The following CASK variants were observed in gnomAD, a reference collection of about 807,000 sequenced individuals.
CASK encodes calcium/calmodulin dependent serine protein kinase, also known as peripheral plasma membrane protein CASK.
A neutral mutation model predicts 82.9 loss-of-function variants in CASK; 4 were observed. The observed-to-expected ratio is 0.05, with a 90% CI of 0.02 to 0.11. The LOEUF is 0.11. CASK is among the 10% of genes least tolerant of loss of function. The probability of loss-of-function intolerance (pLI) is 1.00; values close to 1 mark genes in which losing one functional copy is unlikely to be tolerated. For missense variants in CASK, 358 were observed against 720.9 expected (o/e 0.50, Z 5.76); for synonymous variants, 259 against 253.5 (o/e 1.02, Z -0.20).
At chrX:41,646,673 A>ATTC in intron 8 of CASK, among the ~76,000 whole-genome samples, 1 of 111,870 alleles carries the variant, frequency 8.9e-6, no homozygotes, top group Non-Finnish European at 1.9e-5. Flanking sequence ...AGACCCAGAC[A>ATTC]TTCTGCTTTA....
chrX:41,732,658 T>C (rs1194547067), intron 5 of CASK, among the ~76,000 whole-genome samples: 1 of 111,450 alleles, frequency 9.0e-6, no homozygotes, highest in Non-Finnish European at 1.9e-5. Context: ...GAAAAACCTC[T>C]GGCTATATCA....
At chrX:41,730,942 T>C (rs1010889075) in intron 5 of CASK, among the ~76,000 whole-genome samples, 11 of 111,773 alleles carry the variant, frequency 9.8e-5, no homozygotes. Context: ...TGAGCTCAAA[T>C]AATCTGCCCA....
intron 21 of CASK, among the ~76,000 whole-genome samples, chrX:41,547,195 A>T (rs925388048): frequency 2.7e-5 from 3 of 111,602 alleles, no homozygotes; most frequent in Non-Finnish European, 5.7e-5. Flanking sequence ...CGTCCTCCCA[A>T]AGTGCTGGGA....
intron 21 of CASK, among the ~76,000 whole-genome samples, chrX:41,553,393 T>A (rs898239786): frequency 8.1e-5 from 9 of 111,417 alleles, no homozygotes; most frequent in African/African-American, 2.3e-4. Flanking sequence ...TACATTTTTT[T>A]AATGCCATTC....
chrX:41,894,547 T>C (rs780961150), intron 1 of CASK, among the ~76,000 whole-genome samples: 1 of 101,937 alleles, frequency 9.8e-6, no homozygotes, highest in East Asian at 3.0e-4. Context: ...GTCCAGGCTG[T>C]CATGGAGCAT....
intron 5 of CASK, among the ~76,000 whole-genome samples, chrX:41,734,485 A>G (rs2068464828): frequency 8.9e-6 from 1 of 111,963 alleles, no homozygotes; most frequent in African/African-American, 3.2e-5. Context: ...AAAAAAAAAT[A>G]CCAGAAACAT....
At chrX:41,719,222 CAT>C (rs2068118078) in intron 5 of CASK, among the ~76,000 whole-genome samples, 1 of 111,664 alleles carries the variant, frequency 9.0e-6, no homozygotes, top group South Asian at 3.8e-4. Flanking sequence ...TTCATGGAAA[CAT>C]GTGGTTTGGT....
intron 2 of CASK, among the ~76,000 whole-genome samples, chrX:41,801,891 C>G (rs897638543): frequency 1.8e-5 from 2 of 111,381 alleles, no homozygotes; most frequent in African/African-American, 6.5e-5. Context: ...AGAACCACTG[C>G]AGTCAGACTT....
At chrX:41,831,331 A>C (rs1217547247) in intron 2 of CASK, among the ~76,000 whole-genome samples, 5 of 112,112 alleles carry the variant, frequency 4.5e-5, no homozygotes, top group Non-Finnish European at 3.8e-5. Flanking sequence ...CTTCCTGTGC[A>C]TCAATCCAAA....
intron 2 of CASK, among the ~76,000 whole-genome samples, chrX:41,838,401 G>A (rs1479510134): frequency 4.5e-5 from 5 of 111,758 alleles, no homozygotes; most frequent in Admixed American, 2.8e-4. Flanking sequence ...TTAGTGTCAT[G>A]TCTAAGAATT....
chrX:41,910,367 A>T lies in CASK; in HGVS notation c.59+12563T>A, dbSNP rs745430732. Among the ~76,000 whole-genome samples, 3 of 112,151 alleles carry T rather than the reference A, an allele frequency of 2.7e-5. No homozygotes were observed. The East Asian group carries it at 8.3e-4, about 31-fold the overall frequency. On this transcript the variant is annotated intron_variant, in intron 1 of 26. Coordinates refer to ENST00000378163, the MANE Select transcript of CASK (RefSeq NM_001367721.1). Reference sequence around the variant, plus strand: ...ATTACTATCCTTCTTTTACAAGATGAAGAAACTGAAGAAAAACCAACTGGT... The same window carrying T: ...ATTACTATCCTTCTTTTACAAGATGTAGAAACTGAAGAAAAACCAACTGGT...
chrX:41,654,964 C>T (rs994695917), intron 8 of CASK, among the ~76,000 whole-genome samples: 2 of 108,320 alleles, frequency 1.8e-5, no homozygotes, highest in Non-Finnish European at 3.8e-5. Flanking sequence ...CTTGGCTCAA[C>T]CTGCTGTTGG....
At chrX:41,746,121 T>C (rs1212177762) in intron 3 of CASK, among the ~76,000 whole-genome samples, 1 of 111,953 alleles carries the variant, frequency 8.9e-6, no homozygotes, top group African/African-American at 3.2e-5. Flanking sequence ...ACAAACATAT[T>C]GTAACACATA....
intron 15 of CASK, among the ~76,000 whole-genome samples, chrX:41,573,064 A>G (rs1004340951): frequency 1.0e-5 from 1 of 100,382 alleles, no homozygotes; most frequent in African/African-American, 3.6e-5. Context: ...TGTGTGTAAA[A>G]TTTCTTTTTT....
chrX:41,622,547 T>G, intron 11 of CASK, 70 bp downstream of exon 11: 1 of 919,555 alleles, frequency 1.1e-6, no homozygotes, highest in South Asian at 2.3e-5. Flanking sequence ...TCAAGCTGAT[T>G]ACGAACCATG....
intron 8 of CASK, among the ~76,000 whole-genome samples, chrX:41,642,392 T>A (rs2066674712): frequency 8.9e-6 from 1 of 112,027 alleles, no homozygotes; most frequent in Non-Finnish European, 1.9e-5. Flanking sequence ...TTTCTCCACA[T>A]CCTCTCCAGC....
At chrX:41,811,817 A>G (rs1602661270) in intron 2 of CASK, among the ~76,000 whole-genome samples, 1 of 111,912 alleles carries the variant, frequency 8.9e-6, no homozygotes, top group Non-Finnish European at 1.9e-5. Flanking sequence ...TTTTGAAAAG[A>G]TCAACAAAAT....
chrX:41,837,217 A>C (rs2147939668), intron 2 of CASK, among the ~76,000 whole-genome samples: 1 of 112,258 alleles, frequency 8.9e-6, no homozygotes, highest in East Asian at 2.8e-4. Context: ...GATTTTGTGT[A>C]CCTTTAACCC....
intron 5 of CASK, among the ~76,000 whole-genome samples, chrX:41,719,069 T>C (rs1195175135): frequency 8.9e-6 from 1 of 112,276 alleles, no homozygotes; most frequent in Non-Finnish European, 1.9e-5. Context: ...TGGAATTCTT[T>C]AAGAACTATT....
Sources: allele counts gnomAD v4.1 joint callset (sites outside exome capture counted in the v4.1 genomes callset), GRCh38; gene constraint gnomAD v4.1.1; transcripts MANE v1.5; gene names NCBI Gene and HGNC (gene_info 2026-07-23, HGNC 2026-07-21).